The following RAB6B variants were observed in gnomAD, a reference collection of about 807,000 sequenced individuals.
The protein encoded by RAB6B is ras-related protein Rab-6B.
Under a neutral mutation model 31.2 loss-of-function variants are expected in RAB6B, and 7 were observed. The observed-to-expected ratio is 0.22, with a 90% CI of 0.13 to 0.42. The LOEUF is 0.42. Among genes scored for constraint, RAB6B ranks in the 10% least tolerant of loss-of-function variants. The pLI is 1.00. For missense variants in RAB6B, 149 were observed against 280.6 expected (o/e 0.53, Z 3.35); for synonymous variants, 105 against 104.9 (o/e 1.00, Z -0.01).
At chr3:133,869,281 G>A (rs540995374) in intron 1 of RAB6B, among the ~76,000 whole-genome samples, 2 of 152,368 alleles carry the variant, frequency 1.3e-5, no homozygotes, top group South Asian at 2.1e-4. Context: ...AAGCCAGACA[G>A]TGTGTGAGGA....
rs1282959775 is a variant in RAB6B, at chr3:133,895,621, T to TC, written c.-156dup. The TC allele has an allele frequency of 1.5e-6, 1 of 679,004 alleles. No individual in the cohort carries two copies. The highest frequency in any genetic ancestry group is 2.9e-5 in the East Asian group (1 of 34,852). The allele number at this position is 679,004 out of a possible 1,614,324, so 42.1% of individuals were successfully genotyped here. Reference sequence around the variant, plus strand: ...CCCTGACTCCCCAGCTGCGTCCCGGTCCCGGCCTGCGGCTGCGTGTCCGGC... The same window carrying TC: ...CCCTGACTCCCCAGCTGCGTCCCGGTCCCCGGCCTGCGGCTGCGTGTCCGGC... On this transcript the variant is annotated 5_prime_UTR_variant, in exon 1 of 8. Coordinates refer to ENST00000285208, the MANE Select transcript of RAB6B (RefSeq NM_016577.4).
intron 1 of RAB6B, among the ~76,000 whole-genome samples, chr3:133,891,972 G>A (rs1559916305): frequency 6.6e-6 from 1 of 152,176 alleles, no homozygotes; most frequent in East Asian, 1.9e-4. Context: ...AGAAGACAGT[G>A]CACAGCAGAC....
chr3:133,874,454 C>T (rs1298341607), intron 1 of RAB6B, among the ~76,000 whole-genome samples: 1 of 152,134 alleles, frequency 6.6e-6, no homozygotes, highest in African/African-American at 2.4e-5. Context: ...CATATCTAAA[C>T]AGCAAAGGTA....
Position 133,882,670 on chromosome 3 carries a change from C to T in RAB6B, c.70+12727G>A, listed in dbSNP as rs1358019. Among the ~76,000 whole-genome samples, 3,282 of 152,320 alleles carry T rather than the reference C, an allele frequency of 0.022. 237 individuals are homozygous for T. The East Asian group carries it at 0.24, about 11-fold the overall frequency. ...CTCTATCCAGTTCTCCCACATCACA[C>T]CCAGCCCTCCCCCAGGCAGAGGTGG... On this transcript the variant is annotated intron_variant, in intron 1 of 7. Transcript: ENST00000285208.
intron 1 of RAB6B, among the ~76,000 whole-genome samples, chr3:133,872,905 G>A (rs1291640782): frequency 6.6e-6 from 1 of 152,230 alleles, no homozygotes; most frequent in East Asian, 1.9e-4. Context: ...GAGGGTAGAG[G>A]GGAGGGAGGA....
intron 2 of RAB6B, among the ~76,000 whole-genome samples, chr3:133,844,580 A>C (rs1393973780): frequency 6.6e-6 from 1 of 152,220 alleles, no homozygotes; most frequent in African/African-American, 2.4e-5. Flanking sequence ...CCTCCAACAG[A>C]AAACTATTTT....
In RAB6B at chr3:133,838,241, C is replaced by G. The variant is rs1036387197; in HGVS notation, c.420G>C (p.Glu140Asp). ...TCAGTTCTTTGGCGCGCTGCTCCCCCTCCTCGATGGTTATCTGCCTAGAGA... is the reference window on the plus strand; with the variant it reads ...TCAGTTCTTTGGCGCGCTGCTCCCCGTCCTCGATGGTTATCTGCCTAGAGA... ...LADKRQITIE[E>D]GEQRAKELSV... The change falls in exon 6 of 8, where the codon GAG becomes GAC. Residue 140 changes from glutamate to aspartate, a missense_variant. Coordinates refer to ENST00000285208, the MANE Select transcript of RAB6B (RefSeq NM_016577.4). 6.2e-7 allele frequency: 1 copy of G among 1,614,026 alleles called. No individual in the cohort carries two copies. Among genetic ancestry groups the G allele is most frequent in the African/African-American group, 1.3e-5 (1 of 74,940 alleles).
chr3:133,834,248 C>T (rs1435928297), intron 7 of RAB6B, among the ~76,000 whole-genome samples: 1 of 152,180 alleles, frequency 6.6e-6, no homozygotes, highest in Non-Finnish European at 1.5e-5. Context: ...GAGACTCTGC[C>T]TGTGTTCATG....
chr3:133,830,789 G>A (rs1935645377), intron 7 of RAB6B, among the ~76,000 whole-genome samples: 1 of 152,200 alleles, frequency 6.6e-6, no homozygotes, highest in African/African-American at 2.4e-5. Flanking sequence ...TTGTGGATGG[G>A]CTTCTCAAAC....
At chr3:133,868,483 G>A (rs1025883043) in intron 1 of RAB6B, among the ~76,000 whole-genome samples, 1 of 152,244 alleles carries the variant, frequency 6.6e-6, no homozygotes, top group African/African-American at 2.4e-5. Context: ...CCTCCTGCCA[G>A]CTCTGTTCTC....
Position 133,825,964 on chromosome 3 carries a change from C to T in RAB6B, c.*2824G>A, listed in dbSNP as rs1935555638. On this transcript the variant is annotated 3_prime_UTR_variant, in exon 8 of 8. Transcript: ENST00000285208. Reference sequence around the variant, plus strand: ...AATGCCATGACATCTTCTTCAAGAGCACCTAACAGTTTATTATGGAACCTT... The same window carrying T: ...AATGCCATGACATCTTCTTCAAGAGTACCTAACAGTTTATTATGGAACCTT... 1 of 152,236 alleles carries T rather than the reference C, an allele frequency of 6.6e-6. No individual in the cohort carries two copies. Among genetic ancestry groups the T allele is most frequent in the African/African-American group, 2.4e-5 (1 of 41,456 alleles). The allele number at this position is 152,236 out of a possible 1,614,324, so 9.4% of individuals were successfully genotyped here.
intron 1 of RAB6B, among the ~76,000 whole-genome samples, chr3:133,877,281 C>T (rs994938212): frequency 6.6e-6 from 1 of 152,216 alleles, no homozygotes; most frequent in South Asian, 2.1e-4. Context: ...TTCCCTCAAG[C>T]CTTCGGCTGA....
intron 6 of RAB6B, among the ~76,000 whole-genome samples, chr3:133,836,897 T>C (rs1935744564): frequency 6.6e-6 from 1 of 152,178 alleles, no homozygotes; most frequent in African/African-American, 2.4e-5. Context: ...TTGTCTCTTC[T>C]TGTCGTTCTG....
At chr3:133,891,826 G>A (rs917996470) in intron 1 of RAB6B, among the ~76,000 whole-genome samples, 21 of 152,162 alleles carry the variant, frequency 1.4e-4, no homozygotes, top group African/African-American at 5.1e-4. Flanking sequence ...ACAATACCAG[G>A]GGCAGGGCAG....
At position 133,895,490 on chromosome 3, in the gene RAB6B, G is replaced by C. The variant is rs766631069; in HGVS notation, c.-24C>G. The C allele has an allele frequency of 6.2e-7, 1 of 1,600,902 alleles. No homozygotes were observed. The highest frequency in any genetic ancestry group is 8.5e-7 in the Non-Finnish European group (1 of 1,171,330). On this transcript the variant is annotated 5_prime_UTR_variant, in exon 1 of 8. Coordinates refer to ENST00000285208, the MANE Select transcript of RAB6B (RefSeq NM_016577.4). ...ATGGTGCTGGCAGCCGGGGCCGGGA[G>C]AGGAGGAGGAGGAAAAAGCGAAGGA... is the stretch of plus-strand genomic sequence containing the variant.
intron 2 of RAB6B, among the ~76,000 whole-genome samples, chr3:133,843,523 GAGT>G (rs1380550735): frequency 6.6e-6 from 1 of 152,214 alleles, no homozygotes; most frequent in Non-Finnish European, 1.5e-5. Context: ...GGCTCCCCAG[GAGT>G]GACATGCTCC....
intron 2 of RAB6B, among the ~76,000 whole-genome samples, chr3:133,855,311 C>G (rs1423197895): frequency 6.6e-6 from 1 of 152,258 alleles, no homozygotes; most frequent in Non-Finnish European, 1.5e-5. Flanking sequence ...GGGATGTTGG[C>G]TCAGAAGGCC....
At chr3:133,851,618 G>T (rs1200429352) in intron 2 of RAB6B, among the ~76,000 whole-genome samples, 2 of 152,164 alleles carry the variant, frequency 1.3e-5, no homozygotes, top group Non-Finnish European at 2.9e-5. Context: ...AGGACTCCAT[G>T]GGTGTGAAAG....
chr3:133,827,246 C>G lies in RAB6B; in HGVS notation c.*1542G>C, dbSNP rs1935579346. The G allele has an allele frequency of 6.6e-6, 1 of 152,240 alleles. No homozygotes were observed. Among genetic ancestry groups the G allele is most frequent in the African/African-American group, 2.4e-5 (1 of 41,454 alleles). 9.4% of individuals were successfully genotyped at this position (152,240 alleles called of 1,614,324 possible). ...CTTGTGGAGTTCAGCCCACCATACC[C>G]CAGATGGTCATTCATCCCATCTATG... On this transcript the variant is annotated 3_prime_UTR_variant, in exon 8 of 8. Transcript: ENST00000285208.
Sources: gnomAD v4.1 joint callset for allele counts (sites outside exome capture counted in the v4.1 genomes callset) on GRCh38, gnomAD v4.1.1 for gene constraint, MANE v1.5 for transcripts, NCBI Gene and HGNC (gene_info 2026-07-23, HGNC 2026-07-21) for gene names.